Variants in TMEM164 observed in about 807,000 individuals in gnomAD.
TMEM164 encodes RP13-360B22.2.
Under a neutral mutation model 18.8 loss-of-function variants are expected in TMEM164, and 4 were observed. The ratio of observed to expected loss-of-function variants is 0.21; its 90% confidence interval spans 0.10 to 0.49. The LOEUF is 0.49. Among genes scored for constraint, TMEM164 ranks in the 20% least tolerant of loss-of-function variants. The probability of loss-of-function intolerance (pLI) is 0.98; values close to 1 mark genes in which losing one functional copy is unlikely to be tolerated. For missense variants in TMEM164, 108 were observed against 239.9 expected (o/e 0.45, Z 3.63); for synonymous variants, 86 against 101.7 (o/e 0.85, Z 0.93).
At chrX:110,140,371 T>G (rs1422175010) in intron 4 of TMEM164, among the ~76,000 whole-genome samples, 1 of 111,713 alleles carries the variant, frequency 9.0e-6, no homozygotes, top group Non-Finnish European at 1.9e-5. Context: ...CCCCCACTAC[T>G]TGAGAGAGCT....
intron 4 of TMEM164, among the ~76,000 whole-genome samples, chrX:110,125,295 G>A (rs2066513151): frequency 8.9e-6 from 1 of 111,923 alleles, no homozygotes. Context: ...GAATCAAGAG[G>A]CAGATTTGGA....
At chrX:110,183,105 T>G (rs2067329449), downstream of TMEM164, among the ~76,000 whole-genome samples, 1 of 112,210 alleles carries the variant, frequency 8.9e-6, no homozygotes, top group Non-Finnish European at 1.9e-5. Context: ...TGAGATCTAG[T>G]CGTGTACCCA....
At chrX:110,118,411 C>T (rs2066402966) in intron 4 of TMEM164, among the ~76,000 whole-genome samples, 1 of 108,739 alleles carries the variant, frequency 9.2e-6, no homozygotes, top group Admixed American at 9.7e-5. Context: ...TGACCTACTT[C>T]AAACCCCTCA....
intron 4 of TMEM164, among the ~76,000 whole-genome samples, chrX:110,127,986 A>G (rs2066559474): frequency 8.9e-6 from 1 of 112,347 alleles, no homozygotes; most frequent in Non-Finnish European, 1.9e-5. Context: ...TATGTTCCTA[A>G]AACCCATTAT....
intron 2 of TMEM164, among the ~76,000 whole-genome samples, chrX:110,009,299 C>T (rs1014686759): frequency 4.5e-5 from 5 of 112,152 alleles, no homozygotes; most frequent in Admixed American, 3.8e-4. Flanking sequence ...AGATTCTCCT[C>T]TACGAAACCT....
In TMEM164 at chrX:110,089,439, C is replaced by T. The variant is rs755451171; in HGVS notation, c.441-19641C>T. Among the ~76,000 whole-genome samples, 463 of 111,592 alleles carry T rather than the reference C, an allele frequency of 4.1e-3. 5 individuals carry two copies. The highest frequency in any genetic ancestry group is 0.014 in the African/African-American group (440 of 30,749). On this transcript the variant is annotated intron_variant, in intron 3 of 6. Transcript: ENST00000372068. ...CTTGAACTCCTGACCTCATGATCCA[C>T]CCACCTCAGCCTCCCAAAGTGCTGG...
intron 2 of TMEM164, among the ~76,000 whole-genome samples, chrX:110,035,044 G>A (rs1275376341): frequency 1.2e-5 from 1 of 86,036 alleles, no homozygotes; most frequent in Non-Finnish European, 2.2e-5. Flanking sequence ...CACAGGAAGG[G>A]GAACATCACA....
chrX:110,046,484 G>A, intron 2 of TMEM164: 1 of 754,313 alleles, frequency 1.3e-6, no homozygotes, highest in Non-Finnish European at 1.6e-6. Flanking sequence ...TAGCAGGAGA[G>A]GTAAGGAGGC....
chrX:110,097,759 TTTA>T (rs1484257697), intron 3 of TMEM164, among the ~76,000 whole-genome samples: 2 of 111,841 alleles, frequency 1.8e-5, no homozygotes, highest in Middle Eastern at 4.6e-3. Flanking sequence ...TTTAAAATAT[TTTA>T]CTGTATGTTT....
intron 2 of TMEM164, among the ~76,000 whole-genome samples, chrX:110,038,713 C>T (rs1214623183): frequency 1.8e-5 from 2 of 109,838 alleles, no homozygotes; most frequent in African/African-American, 6.7e-5. Context: ...CCCACCATAC[C>T]TCACCTCACC....
intron 2 of TMEM164, among the ~76,000 whole-genome samples, chrX:110,025,320 G>A (rs973313868): frequency 8.9e-6 from 1 of 111,811 alleles, no homozygotes; most frequent in African/African-American, 3.3e-5. Flanking sequence ...CTGGTCCTAG[G>A]TCAAAGCCCT....
chrX:110,138,186 G>A (rs73540272), intron 4 of TMEM164, among the ~76,000 whole-genome samples: 2,290 of 111,956 alleles, frequency 0.02, 53 homozygotes, highest in African/African-American at 0.071. Flanking sequence ...GTTGAAAAGG[G>A]GGATAGTGAT....
chrX:110,114,658 A>C (rs1288830676), intron 4 of TMEM164, among the ~76,000 whole-genome samples: 1 of 111,307 alleles, frequency 9.0e-6, no homozygotes, highest in African/African-American at 3.3e-5. Context: ...CCCCCATGAG[A>C]GTTTCTTCTG....
At chrX:110,129,299 T>C (rs1445255406) in intron 4 of TMEM164, among the ~76,000 whole-genome samples, 4 of 112,891 alleles carry the variant, frequency 3.5e-5, no homozygotes, top group Non-Finnish European at 5.6e-5. Flanking sequence ...TTTGTATTTC[T>C]AGTACACGTT....
chrX:110,042,541 T>C (rs753491558), intron 2 of TMEM164, among the ~76,000 whole-genome samples: 12 of 111,880 alleles, frequency 1.1e-4, no homozygotes, highest in Admixed American at 1.0e-3. Context: ...TGTATATACC[T>C]AGGAGTGGAA....
At chrX:110,132,932 T>C (rs961701673) in intron 4 of TMEM164, among the ~76,000 whole-genome samples, 6 of 111,793 alleles carry the variant, frequency 5.4e-5, no homozygotes, top group African/African-American at 2.0e-4. Context: ...CGTGTATTGG[T>C]TTGTTAGGGC....
At chrX:110,058,193 G>A (rs1935939780) in intron 2 of TMEM164, among the ~76,000 whole-genome samples, 1 of 111,080 alleles carries the variant, frequency 9.0e-6, no homozygotes, top group Admixed American at 9.6e-5. Context: ...AACATCATTT[G>A]TTCAAGCAAG....
chrX:110,092,434 A>C (rs1271044694), intron 3 of TMEM164, among the ~76,000 whole-genome samples: 1 of 111,535 alleles, frequency 9.0e-6, no homozygotes, highest in Non-Finnish European at 1.9e-5. Context: ...CATCCCTTGT[A>C]AGGTGGATTC....
At chrX:110,064,266 T>G (rs1403593592) in intron 2 of TMEM164, among the ~76,000 whole-genome samples, 1 of 111,959 alleles carries the variant, frequency 8.9e-6, no homozygotes, top group Admixed American at 9.5e-5. Context: ...TTGTTTGAAC[T>G]TCTAAGTCTC....
Sources: allele counts gnomAD v4.1 joint callset (sites outside exome capture counted in the v4.1 genomes callset), GRCh38; gene constraint gnomAD v4.1.1; transcripts MANE v1.5; gene names NCBI Gene and HGNC (gene_info 2026-07-23, HGNC 2026-07-21).